MMP26: variants seen among roughly 807,000 people sequenced by gnomAD.
The protein encoded by MMP26 is matrix metallopeptidase 26, also known as matrix metalloproteinase-26.
A neutral mutation model predicts 31.0 loss-of-function variants in MMP26; 33 were observed. The observed-to-expected ratio is 1.06, with a 90% CI of 0.81 to 1.42. The LOEUF (loss-of-function observed/expected upper bound fraction) is 1.42, where lower values mean the gene tolerates loss of function less well. Ranked by LOEUF, MMP26 falls within the 40% of genes most tolerant of loss-of-function variation. The probability of loss-of-function intolerance (pLI) is 0.00; values close to 1 mark genes in which losing one functional copy is unlikely to be tolerated. For synonymous variants in MMP26, 122 were observed against 114.9 expected, an observed-to-expected ratio of 1.06 and a Z score of -0.40; for missense variants, 347 against 316.1, an observed-to-expected ratio of 1.10 and a Z score of -0.74.
chr11:4,776,475 AT>A (rs149861669), intron 2 of MMP26, among the ~76,000 whole-genome samples: 2,324 of 151,844 alleles, frequency 0.015, 69 homozygotes, highest in African/African-American at 0.053. Flanking sequence ...CTTTTTAATA[AT>A]AGCATTTCTG....
intron 1 of MMP26, among the ~76,000 whole-genome samples, chr11:4,735,367 T>C (rs1291352956): frequency 1.3e-5 from 2 of 152,220 alleles, no homozygotes; most frequent in African/African-American, 2.4e-5. Context: ...TATACAGATA[T>C]ACATGCGTGC....
At chr11:4,801,094 A>G (rs908964015) in intron 2 of MMP26, among the ~76,000 whole-genome samples, 3 of 152,114 alleles carry the variant, frequency 2.0e-5, no homozygotes, top group Admixed American at 6.6e-5. Flanking sequence ...CCATATTTCT[A>G]TCAGCATTTT....
intron 2 of MMP26, among the ~76,000 whole-genome samples, chr11:4,779,392 A>G (rs1156500641): frequency 6.6e-6 from 1 of 151,916 alleles, no homozygotes; most frequent in African/African-American, 2.4e-5. Flanking sequence ...GTTATTTTTG[A>G]TAATATTTTG....
At chr11:4,860,889 G>C (rs918352133) in intron 2 of MMP26, among the ~76,000 whole-genome samples, 1 of 151,738 alleles carries the variant, frequency 6.6e-6, no homozygotes, top group African/African-American at 2.4e-5. Flanking sequence ...TCAAGTTTTA[G>C]CAGAAAAGAA....
At chr11:4,939,457 G>A (rs993026941) in intron 2 of MMP26, among the ~76,000 whole-genome samples, 8 of 151,954 alleles carry the variant, frequency 5.3e-5, no homozygotes, top group Non-Finnish European at 8.8e-5. Context: ...ACAGTTCCTC[G>A]GCTGTTTTCC....
rs537345589 is a variant in MMP26 at position 4,985,400 on chromosome 11, G to C, written c.-144-2668G>C. Among the ~76,000 whole-genome samples the C allele has an allele frequency of 1.2e-4, 18 of 152,134 alleles. No homozygotes were observed. The South Asian group carries it at 3.7e-3, about 32-fold the overall frequency. ...AACAACAAACATCATTGTTTCCATAGGCAGTCTTAAATCCATCTTGCCTTT... is the reference window on the plus strand; with the variant it reads ...AACAACAAACATCATTGTTTCCATACGCAGTCTTAAATCCATCTTGCCTTT... On this transcript the variant is annotated intron_variant, in intron 2 of 7. Transcript: ENST00000380390.
chr11:4,742,005 C>A (rs1054036018), intron 1 of MMP26, among the ~76,000 whole-genome samples: 1 of 152,206 alleles, frequency 6.6e-6, no homozygotes, highest in South Asian at 2.1e-4. Flanking sequence ...AAAACTAGAG[C>A]CAGCAAGAGG....
At chr11:4,712,349 A>C (rs1279936962) in intron 1 of MMP26, 1 of 152,174 alleles carries the variant, frequency 6.6e-6, no homozygotes, top group African/African-American at 2.4e-5. Flanking sequence ...ATTATACCAC[A>C]TGCTAAGAGT....
rs146063796 is a variant in MMP26 at position 4,892,379 on chromosome 11, T to G, written c.-144-95689T>G. 4.2e-4 allele frequency among the ~76,000 whole-genome samples: 64 copies of G among 152,294 alleles called. 1 individual carries two copies. The highest frequency in any genetic ancestry group is 1.5e-3 in the African/African-American group (62 of 41,574). On this transcript the variant is annotated intron_variant, in intron 2 of 7. Coordinates refer to ENST00000380390, the MANE Select transcript of MMP26 (RefSeq NM_021801.5). Reference sequence around the variant, plus strand: ...TGTCTTGGCCCTTAAAGTCTTCCCTTCTAATCACTCCAAGCAGAGTCCATG... The same window carrying G: ...TGTCTTGGCCCTTAAAGTCTTCCCTGCTAATCACTCCAAGCAGAGTCCATG...
At chr11:4,991,338 C>T (rs751816245) in intron 5 of MMP26, 33 bp from the exon 6 acceptor site, 1 of 1,601,880 alleles carries the variant, frequency 6.2e-7, no homozygotes, top group South Asian at 1.1e-5. Context: ...CTACCTCCAC[C>T]CTCATTGTGA....
chr11:4,770,712 G>A (rs961286540), intron 2 of MMP26, among the ~76,000 whole-genome samples: 17 of 152,062 alleles, frequency 1.1e-4, no homozygotes, highest in South Asian at 6.2e-4. Flanking sequence ...GCATGGTGGC[G>A]TGTATCTGTA....
chr11:4,962,976 A>T (rs1846542069), intron 2 of MMP26, among the ~76,000 whole-genome samples: 1 of 152,190 alleles, frequency 6.6e-6, no homozygotes, highest in Non-Finnish European at 1.5e-5. Context: ...TAAATGTAAG[A>T]ATTTATCCTC....
At chr11:4,710,892 T>G (rs2133265476) in intron 1 of MMP26, 1 of 156,714 alleles carries the variant, frequency 6.4e-6, no homozygotes, top group African/African-American at 2.4e-5. Context: ...TTAGTAATTC[T>G]TACAGTTTAT....
chr11:4,742,512 A>G (rs1848328618), intron 1 of MMP26, among the ~76,000 whole-genome samples: 1 of 152,144 alleles, frequency 6.6e-6, no homozygotes, highest in Non-Finnish European at 1.5e-5. Flanking sequence ...ATGATTAAAC[A>G]TTATTTCTGG....
intron 1 of MMP26, among the ~76,000 whole-genome samples, chr11:4,729,231 GA>G (rs1848141363): frequency 6.6e-6 from 1 of 152,096 alleles, no homozygotes; most frequent in African/African-American, 2.4e-5. Flanking sequence ...AGTTTAAGCA[GA>G]AAATTAGAAG....
At position 4,929,313 on chromosome 11, in the gene MMP26, G is replaced by T. The variant is rs1401053958; in HGVS notation, c.-144-58755G>T. On this transcript the variant is annotated intron_variant, in intron 2 of 7. Coordinates refer to ENST00000380390, the MANE Select transcript of MMP26 (RefSeq NM_021801.5). ...GCTGCAAAGAGCTTGGCAAAAGAAA[G>T]TTTGTGCTTCAAACTTACTCTATTT... Among the ~76,000 whole-genome samples, 3 of 152,088 alleles carry T rather than the reference G, an allele frequency of 2.0e-5. No individual in the cohort carries two copies. The East Asian group carries it at 5.8e-4, about 29-fold the overall frequency.
At chr11:4,726,287 A>G (rs11033556) in intron 1 of MMP26, among the ~76,000 whole-genome samples, 11,760 of 152,096 alleles carry the variant, frequency 0.077, 499 homozygotes, top group Admixed American at 0.12. Context: ...AACATGGTGA[A>G]ACTCAGGCTC....
At chr11:4,743,721 A>G (rs972268701) in intron 1 of MMP26, among the ~76,000 whole-genome samples, 1 of 152,184 alleles carries the variant, frequency 6.6e-6, no homozygotes, top group Non-Finnish European at 1.5e-5. Flanking sequence ...CAGATTTCCC[A>G]TATTGTTTGA....
intron 2 of MMP26, chr11:4,877,604 A>G (rs1850401072): frequency 1.3e-5 from 2 of 152,298 alleles, no homozygotes; most frequent in South Asian, 2.1e-4. Flanking sequence ...GATATTTTCT[A>G]TTTCTCTGCT....
Sources: allele counts gnomAD v4.1 joint callset (sites outside exome capture counted in the v4.1 genomes callset), GRCh38; gene constraint gnomAD v4.1.1; transcripts MANE v1.5; gene names NCBI Gene and HGNC (gene_info 2026-07-23, HGNC 2026-07-21).